Variants in CLSTN1 observed in about 807,000 individuals in gnomAD.
CLSTN1 encodes the protein calsyntenin-1.
In CLSTN1, 28 loss-of-function variants were observed where a neutral mutation model predicts 108.3. The observed-to-expected ratio is 0.26, with a 90% confidence interval of 0.19 to 0.35. CLSTN1 has a LOEUF of 0.35. Ranked by LOEUF, CLSTN1 falls within the 10% of genes least tolerant of loss-of-function variation. The pLI, the probability that CLSTN1 is intolerant of heterozygous loss-of-function variation, is 1.00. For synonymous variants in CLSTN1, 524 were observed against 534.9 expected (o/e 0.98, Z 0.28); for missense variants, 1,157 against 1,302.6 (o/e 0.89, Z 1.72).
At position 9,768,732 on chromosome 1, in the gene CLSTN1, T is replaced by TTC. The variant is rs1190874764; in HGVS notation, c.214+4539_214+4540insGA. On this transcript the variant is annotated intron_variant, in intron 2 of 18. Transcript: ENST00000377298. ...GCTGGGTGGCACCATGGGGGTGGGG[T>TTC]TGTGTTGGGTGGCATCATGGGGGCG... Among the ~76,000 whole-genome samples, 11 of 40,162 alleles carry TTC rather than the reference T, an allele frequency of 2.7e-4. No individual in the cohort carries two copies. In the East Asian group the frequency reaches 4.4e-3, roughly 16 times the overall value. The allele number at this position is 40,162 out of a possible 152,430, so 26.3% of individuals were successfully genotyped here.
In CLSTN1 at chr1:9,737,427, G is replaced by A. The variant is rs138054440; in HGVS notation, c.1576+71C>T. On this transcript the variant is annotated intron_variant, in intron 11 of 18. Coordinates refer to ENST00000377298, the MANE Select transcript of CLSTN1 (RefSeq NM_001009566.3). The stretch of plus-strand genomic sequence containing the variant: ...AAAATGCAACTGGGGCGTTTCATGC[G>A]ACACGTGGAATGAATCAGTCTCATC... 2.1e-4 allele frequency: 297 copies of A among 1,419,536 alleles called. 1 individual carries two copies. In the East Asian group the frequency reaches 6.1e-3, roughly 29 times the overall value. 87.9% of individuals were successfully genotyped at this position (1,419,536 alleles called of 1,614,324 possible). A position where few individuals can be genotyped will look rare whatever the true frequency, so the allele number is the denominator to read the frequency against.
intron 2 of CLSTN1, among the ~76,000 whole-genome samples, chr1:9,762,583 T>C (rs1652131984): frequency 1.3e-5 from 2 of 150,432 alleles, no homozygotes; most frequent in Non-Finnish European, 3.0e-5. Flanking sequence ...GTGCCCGCAC[T>C]CAACGGCTCT....
Position 9,785,550 on chromosome 1 carries a change from C to T in CLSTN1, c.92-12156G>A, listed in dbSNP as rs952455672. Among the ~76,000 whole-genome samples the T allele has an allele frequency of 3.9e-5, 6 of 152,228 alleles. 1 individual carries two copies. The highest frequency in any genetic ancestry group is 4.1e-4 in the South Asian group (2 of 4,822). Reference sequence around the variant, plus strand: ...TGGGGCTGTCCCGTGCATTGTGGGACGTTCAGCAGCATCCCGGCCTCAAAA... The same window carrying T: ...TGGGGCTGTCCCGTGCATTGTGGGATGTTCAGCAGCATCCCGGCCTCAAAA... On this transcript the variant is annotated intron_variant, in intron 1 of 18. Transcript: ENST00000377298.
Position 9,818,508 on chromosome 1 carries a change from TA to T in CLSTN1, c.91+5134del, listed in dbSNP as rs532429097. On this transcript the variant is annotated intron_variant, in intron 1 of 18. Transcript: ENST00000377298. ...CATGCCCAGCTAATTTTTGTATTTTTAGTAGAGACAGGGTTTCATCATGTTG... is the reference window on the plus strand; with the variant it reads ...CATGCCCAGCTAATTTTTGTATTTTTGTAGAGACAGGGTTTCATCATGTTG... Among the ~76,000 whole-genome samples the T allele has an allele frequency of 4.6e-3, 697 of 151,588 alleles. 2 individuals are homozygous for T. Among genetic ancestry groups the T allele is most frequent in the African/African-American group, 0.015 (631 of 41,294 alleles).
At chr1:9,796,519 C>T (rs1421484177) in intron 1 of CLSTN1, among the ~76,000 whole-genome samples, 1 of 117,552 alleles carries the variant, frequency 8.5e-6, no homozygotes, top group Non-Finnish European at 1.8e-5. Flanking sequence ...ACTAAACATA[C>T]AAAAAAAAAA....
At chr1:9,737,908 C>T (rs1433508215) in intron 10 of CLSTN1, among the ~76,000 whole-genome samples, 1 of 152,212 alleles carries the variant, frequency 6.6e-6, no homozygotes, top group African/African-American at 2.4e-5. Context: ...TGAGCCTGGG[C>T]TGCAATGCTG....
At chr1:9,799,964 C>A (rs1203347580) in intron 1 of CLSTN1, among the ~76,000 whole-genome samples, 3 of 151,980 alleles carry the variant, frequency 2.0e-5, no homozygotes, top group African/African-American at 4.8e-5. Flanking sequence ...AAACAAAAAA[C>A]CACACATAAA....
intron 10 of CLSTN1, 126 bp from the exon 11 acceptor site, chr1:9,737,680 C>T (rs984203680): frequency 1.7e-5 from 14 of 812,716 alleles, no homozygotes; most frequent in African/African-American, 1.7e-4. Flanking sequence ...CTCGTGATCC[C>T]GCTCTGGGAT....
In CLSTN1 at chr1:9,734,846, A is replaced by G; in HGVS notation, c.2110+102T>C. 1.0e-6 allele frequency: 1 copy of G among 987,688 alleles called. No homozygotes were observed. Among genetic ancestry groups the G allele is most frequent in the East Asian group, 2.4e-5 (1 of 40,996 alleles). 61.2% of individuals were successfully genotyped at this position (987,688 alleles called of 1,614,324 possible). The stretch of plus-strand genomic sequence containing the variant: ...GAGAGAACACCAACGAAAGATTAAA[A>G]CCTCCCCAAATCCCACAGAGACAAA... On this transcript the variant is annotated intron_variant, in intron 14 of 18. Transcript: ENST00000377298. The surrounding 1 kb of genome is among the most constrained non-coding windows in gnomAD (Gnocchi z 4.8).
intron 1 of CLSTN1, among the ~76,000 whole-genome samples, chr1:9,810,576 A>G (rs1654712417): frequency 6.6e-6 from 1 of 151,338 alleles, no homozygotes; most frequent in Non-Finnish European, 1.5e-5. Flanking sequence ...GGAGTTCGAG[A>G]CCAGGCTGGC....
Position 9,749,525 on chromosome 1 carries a change from G to A in CLSTN1, c.921C>T (p.Thr307=). The A allele has an allele frequency of 6.2e-7, 1 of 1,614,234 alleles. No homozygotes were observed. The highest frequency in any genetic ancestry group is 8.5e-7 in the Non-Finnish European group (1 of 1,180,042). The change falls in exon 7 of 19, where the codon ACC becomes ACT. Residue 307 remains threonine (T), a synonymous_variant. Transcript: ENST00000377298. ...GGTCGCAGCCTTTCCCTATGTGGCT[G>A]GTTTCTAGCTCCACTGTGGCCTGTA... ...ASVQATVELE[T]SHIGKGCDRD...
intron 1 of CLSTN1, among the ~76,000 whole-genome samples, chr1:9,817,337 CTTTT>C (rs1242332906): frequency 6.6e-6 from 1 of 151,742 alleles, no homozygotes; most frequent in Non-Finnish European, 1.5e-5. Flanking sequence ...AGATTTTTTT[CTTTT>C]TTTGAGACGG....
intron 2 of CLSTN1, among the ~76,000 whole-genome samples, chr1:9,769,333 G>C (rs914978149): frequency 1.3e-5 from 2 of 152,014 alleles, no homozygotes; most frequent in African/African-American, 4.8e-5. Context: ...ACAAAGACCT[G>C]TACAGGAATG....
intron 4 of CLSTN1, 37 bp from the exon 5 acceptor site, chr1:9,751,718 GTT>G (rs1410994377): frequency 3.2e-6 from 5 of 1,576,874 alleles, no homozygotes; most frequent in Non-Finnish European, 4.4e-6. Context: ...TTTTCTGCTT[GTT>G]TTCAGTGTGA....
intron 1 of CLSTN1, among the ~76,000 whole-genome samples, chr1:9,822,501 T>C (rs1655224253): frequency 6.6e-6 from 1 of 152,116 alleles, no homozygotes; most frequent in Admixed American, 6.6e-5. Flanking sequence ...GACCATTTCA[T>C]CTAGATTTCT....
chr1:9,739,281 A>G (rs938817615), intron 10 of CLSTN1, among the ~76,000 whole-genome samples: 6 of 152,244 alleles, frequency 3.9e-5, no homozygotes, highest in African/African-American at 1.4e-4. Context: ...CAGCTGTTGC[A>G]GATGCCACAG....
At chr1:9,763,951 G>A (rs1652202243) in intron 2 of CLSTN1, among the ~76,000 whole-genome samples, 1 of 152,134 alleles carries the variant, frequency 6.6e-6, no homozygotes, top group Non-Finnish European at 1.5e-5. Context: ...GGCTGTGTAA[G>A]TTATAAAGAA....
At chr1:9,781,463 G>GGCGGAGTTTCGCTCTTGTCACCCAGGC (rs1653243266) in intron 1 of CLSTN1, among the ~76,000 whole-genome samples, 5 of 148,700 alleles carry the variant, frequency 3.4e-5, no homozygotes, top group Non-Finnish European at 5.9e-5. Flanking sequence ...TTTTTTTTGA[G>GGCGGAGTTTCGCTCTTGTCACCCAGGC]GCGGAGTTTC....
At chr1:9,733,327 AAT>A in intron 16 of CLSTN1, 72 bp downstream of exon 16, 1 of 1,572,524 alleles carries the variant, frequency 6.4e-7, no homozygotes, top group African/African-American at 1.3e-5. Context: ...GGCGTTTGTG[AAT>A]ATTAGGGCTG....
Sources: gnomAD v4.1 joint callset for allele counts (sites outside exome capture counted in the v4.1 genomes callset) on GRCh38, gnomAD v4.1.1 for gene constraint, Gnocchi (gnomAD v3.1) non-coding constraint, MANE v1.5 for transcripts, NCBI Gene and HGNC (gene_info 2026-07-23, HGNC 2026-07-21) for gene names.